PTPRK: variants seen among roughly 807,000 people sequenced by gnomAD.
PTPRK encodes the protein receptor-type tyrosine-protein phosphatase kappa.
A neutral mutation model predicts 178.0 loss-of-function variants in PTPRK; 75 were observed. The ratio of observed to expected loss-of-function variants is 0.42; its 90% CI spans 0.35 to 0.51. The LOEUF (loss-of-function observed/expected upper bound fraction) is 0.51. PTPRK is among the 20% of genes least tolerant of loss of function. PTPRK has a pLI of 0.02. For synonymous variants in PTPRK, 637 were observed against 620.6 expected (o/e 1.03, Z -0.39); for missense variants, 1,441 against 1,797.8 (o/e 0.80, Z 3.59).
At chr6:128,374,356 A>G (rs1836719969) in intron 2 of PTPRK, among the ~76,000 whole-genome samples, 1 of 152,090 alleles carries the variant, frequency 6.6e-6, no homozygotes, top group African/African-American at 2.4e-5. Flanking sequence ...AAAGACTCCA[A>G]AGTGTGTATC....
intron 7 of PTPRK, among the ~76,000 whole-genome samples, chr6:128,137,539 T>C (rs988474074): frequency 3.9e-5 from 6 of 152,270 alleles, no homozygotes; most frequent in African/African-American, 1.4e-4. Context: ...GTCTATATTA[T>C]CCATACTACG....
intron 1 of PTPRK, among the ~76,000 whole-genome samples, chr6:128,498,490 T>G (rs924009310): frequency 6.6e-6 from 1 of 152,186 alleles, no homozygotes; most frequent in African/African-American, 2.4e-5. Flanking sequence ...CTCTTCTGCT[T>G]TTAGCAAGAT....
chr6:128,298,967 A>C (rs1825027212), intron 3 of PTPRK, among the ~76,000 whole-genome samples: 1 of 152,160 alleles, frequency 6.6e-6, no homozygotes, highest in African/African-American at 2.4e-5. Flanking sequence ...ATACCTAGAA[A>C]ACCCCACTGT....
intron 1 of PTPRK, among the ~76,000 whole-genome samples, chr6:128,477,931 T>TG (rs981842794): frequency 6.6e-6 from 1 of 152,098 alleles, no homozygotes; most frequent in African/African-American, 2.4e-5. Context: ...ACTCTCCATA[T>TG]GCCATTGCCA....
At position 128,057,568 on chromosome 6, in the gene PTPRK, T is replaced by C. The variant is rs148826935; in HGVS notation, c.2194+7190A>G. Among the ~76,000 whole-genome samples, 1,435 of 152,336 alleles carry C rather than the reference T, an allele frequency of 9.4e-3. 23 individuals carry two copies. The highest frequency in any genetic ancestry group is 0.032 in the African/African-American group (1,335 of 41,580). On this transcript the variant is annotated intron_variant, in intron 13 of 29. Transcript: ENST00000368226. ...CTTTCTTGATAGACAGCATTTCACA[T>C]GTGCTGTCCCAATTCCATCCTGGAG...
At chr6:128,366,623 C>G (rs1472199145) in intron 2 of PTPRK, among the ~76,000 whole-genome samples, 1 of 152,070 alleles carries the variant, frequency 6.6e-6, no homozygotes, top group South Asian at 2.1e-4. Flanking sequence ...ACTTATCCAC[C>G]TCGGGATACA....
intron 5 of PTPRK, among the ~76,000 whole-genome samples, chr6:128,223,923 T>C (rs952425501): frequency 1.3e-5 from 2 of 152,218 alleles, no homozygotes. Flanking sequence ...TTATTTAGTA[T>C]TGAGGTTTAA....
intron 1 of PTPRK, among the ~76,000 whole-genome samples, chr6:128,512,258 AATTAT>A (rs1488822230): frequency 2.6e-5 from 4 of 152,162 alleles, no homozygotes; most frequent in Non-Finnish European, 5.9e-5. Flanking sequence ...TAATTCAATA[AATTAT>A]ATATTTTATA....
chr6:127,991,473 G>A (rs1776599482), intron 19 of PTPRK, 82 bp from the exon 20 acceptor site: 1 of 960,758 alleles, frequency 1.0e-6, no homozygotes, highest in Non-Finnish European at 1.5e-6. Context: ...AAGAAGCAGA[G>A]TAAACTAAGT....
intron 6 of PTPRK, among the ~76,000 whole-genome samples, chr6:128,194,253 T>C (rs1416572065): frequency 6.6e-6 from 1 of 151,738 alleles, no homozygotes; most frequent in Non-Finnish European, 1.5e-5. Flanking sequence ...GCCAGGCTAA[T>C]TTTTCTGTAT....
chr6:128,170,712 A>T (rs1800111713), intron 7 of PTPRK, among the ~76,000 whole-genome samples: 1 of 152,034 alleles, frequency 6.6e-6, no homozygotes, highest in Non-Finnish European at 1.5e-5. Flanking sequence ...AATTAAAACG[A>T]CAATTCCTTC....
At position 128,211,908 on chromosome 6, in the gene PTPRK, C is replaced by T. The variant is rs182583856; in HGVS notation, c.868+7014G>A. On this transcript the variant is annotated intron_variant, in intron 6 of 29. Transcript: ENST00000368226. ...CATCCTTACTCATTATACCACTAAA[C>T]ACTCTGATTTATCTCCCTGCCCTCA... Among the ~76,000 whole-genome samples the T allele has an allele frequency of 3.3e-3, 503 of 152,050 alleles. 2 individuals are homozygous for T. Among genetic ancestry groups the T allele is most frequent in the African/African-American group, 0.011 (472 of 41,526 alleles).
intron 1 of PTPRK, among the ~76,000 whole-genome samples, chr6:128,466,318 C>T (rs1482462249): frequency 6.6e-6 from 1 of 152,170 alleles, no homozygotes; most frequent in Non-Finnish European, 1.5e-5. Flanking sequence ...ATTCATGTGT[C>T]AGACAATCCA....
intron 7 of PTPRK, among the ~76,000 whole-genome samples, chr6:128,101,397 C>T (rs755910386): frequency 3.9e-5 from 6 of 152,050 alleles, no homozygotes; most frequent in Non-Finnish European, 8.8e-5. Flanking sequence ...AGTTTCCAGA[C>T]TAAAACCTTA....
intron 1 of PTPRK, among the ~76,000 whole-genome samples, chr6:128,510,418 C>G (rs1351072634): frequency 6.6e-6 from 1 of 152,162 alleles, no homozygotes; most frequent in Non-Finnish European, 1.5e-5. Context: ...AGCAACTCTT[C>G]CTAATATCCC....
At chr6:128,497,505 A>AT (rs1265504928) in intron 1 of PTPRK, among the ~76,000 whole-genome samples, 2 of 152,102 alleles carry the variant, frequency 1.3e-5, no homozygotes, top group African/African-American at 4.8e-5. Context: ...AATACTTGAG[A>AT]TTTTTATCTT....
intron 2 of PTPRK, 81 bp downstream of exon 2, chr6:128,397,485 T>C (rs1358181557): frequency 6.6e-7 from 1 of 1,521,494 alleles, no homozygotes; most frequent in Non-Finnish European, 9.0e-7. Context: ...CATTAAATTA[T>C]TGTTGTTACA....
intron 7 of PTPRK, among the ~76,000 whole-genome samples, chr6:128,182,324 C>T (rs189697158): frequency 3.3e-5 from 5 of 152,238 alleles, no homozygotes; most frequent in Admixed American, 1.3e-4. Context: ...AGCTGTAATT[C>T]AAGCACTTTG....
chr6:128,452,645 A>G (rs765911656), intron 1 of PTPRK, among the ~76,000 whole-genome samples: 1 of 152,188 alleles, frequency 6.6e-6, no homozygotes, highest in East Asian at 1.9e-4. Context: ...TTCTGAACTG[A>G]TCATGATTAG....
Sources: gnomAD v4.1 joint callset for allele counts (sites outside exome capture counted in the v4.1 genomes callset) on GRCh38, gnomAD v4.1.1 for gene constraint, MANE v1.5 for transcripts, NCBI Gene and HGNC (gene_info 2026-07-23, HGNC 2026-07-21) for gene names.